Variants in FAM78B observed in about 807,000 individuals in gnomAD.
FAM78B encodes the protein family with sequence similarity 78 member B, also known as protein FAM78B.
Under a neutral mutation model 20.0 loss-of-function variants are expected in FAM78B, and 10 were observed. That is an observed-to-expected ratio of 0.50 (90% confidence interval 0.31 to 0.85). The LOEUF is 0.85. FAM78B is among the 40% of genes least tolerant of loss of function. The pLI is 0.05. For synonymous variants in FAM78B, 135 were observed against 132.8 expected (o/e 1.02, Z -0.12); for missense variants, 283 against 345.0 (o/e 0.82, Z 1.42).
chr1:166,166,225 G>A lies in FAM78B; in HGVS notation c.24C>T (p.Thr8=). 1 of 1,544,912 alleles carries A rather than the reference G, an allele frequency of 6.5e-7. No homozygotes were observed. Among genetic ancestry groups the A allele is most frequent in the Non-Finnish European group, 8.7e-7 (1 of 1,143,750 alleles). ...TCTCGCGCCGGATCCGCGCCTTGCA[G>A]GTGATGCTTTGGATACAGCCCATCC... The part of the protein sequence containing the change: MGCIQSI[T]CKARIRRENI... The change falls in exon 1 of 2, where the codon ACC becomes ACT. Residue 8 remains threonine, a synonymous_variant. Transcript: ENST00000354422.
At chr1:166,058,493 T>C (rs1408341362) in exon 3 of FAM78B, 1 of 138,556 alleles carries the variant, frequency 7.2e-6, no homozygotes, top group Non-Finnish European at 1.5e-5. Flanking sequence ...CAGGTTTCCC[T>C]AGGCTTTGTG....
downstream of FAM78B, among the ~76,000 whole-genome samples, chr1:166,056,834 A>C (rs780040131): frequency 2.6e-5 from 4 of 152,146 alleles, no homozygotes; most frequent in Non-Finnish European, 5.9e-5. Flanking sequence ...GCTATGTTCC[A>C]ATATTTGTAT....
chr1:166,156,043 G>A (rs551277312), intron 1 of FAM78B, among the ~76,000 whole-genome samples: 4 of 152,136 alleles, frequency 2.6e-5, no homozygotes, highest in South Asian at 2.1e-4. Context: ...CCGATTTACC[G>A]CTTCCCATTA....
At chr1:166,064,697 T>C (rs1301790030), downstream of FAM78B, among the ~76,000 whole-genome samples, 1 of 152,176 alleles carries the variant, frequency 6.6e-6, no homozygotes, top group Non-Finnish European at 1.5e-5. Context: ...GGCTTCCAAG[T>C]AGATGAGGCC....
chr1:166,076,688 G>C (rs745950619), intron 1 of FAM78B, among the ~76,000 whole-genome samples: 3 of 152,154 alleles, frequency 2.0e-5, no homozygotes, highest in Non-Finnish European at 2.9e-5. Context: ...CCAGTACCTA[G>C]AACAGTGCTG....
chr1:166,103,059 A>G (rs950770623), intron 1 of FAM78B, among the ~76,000 whole-genome samples: 1 of 152,182 alleles, frequency 6.6e-6, no homozygotes, highest in African/African-American at 2.4e-5. Flanking sequence ...CTCACTCAAA[A>G]CTGCTCAACT....
chr1:166,105,031 G>A (rs536248297), intron 1 of FAM78B, among the ~76,000 whole-genome samples: 4 of 152,026 alleles, frequency 2.6e-5, no homozygotes, highest in South Asian at 2.1e-4. Flanking sequence ...AACAGAACAG[G>A]GCCCTCAGAA....
chr1:166,082,007 T>C (rs1652602233), intron 1 of FAM78B, among the ~76,000 whole-genome samples: 1 of 152,120 alleles, frequency 6.6e-6, no homozygotes, highest in African/African-American at 2.4e-5. Context: ...CCAAGCCATT[T>C]CTCCTCTATC....
intron 1 of FAM78B, among the ~76,000 whole-genome samples, chr1:166,092,333 C>G (rs770271874): frequency 2.0e-5 from 3 of 152,174 alleles, no homozygotes; most frequent in African/African-American, 4.8e-5. Flanking sequence ...TTGTCCTGCC[C>G]TATGTGCAGC....
chr1:166,066,691 C>T (rs1651806099), downstream of FAM78B, among the ~76,000 whole-genome samples: 1 of 152,200 alleles, frequency 6.6e-6, no homozygotes, highest in South Asian at 2.1e-4. Context: ...TGTAAAAATA[C>T]TCTATAAATC....
At chr1:166,161,121 GA>G (rs980308094) in intron 1 of FAM78B, among the ~76,000 whole-genome samples, 3 of 152,100 alleles carry the variant, frequency 2.0e-5, no homozygotes, top group African/African-American at 7.2e-5. Flanking sequence ...CAAGGCTTAA[GA>G]ACAGAAAATC....
At chr1:166,133,477 A>G (rs1371441654) in intron 1 of FAM78B, among the ~76,000 whole-genome samples, 4 of 152,208 alleles carry the variant, frequency 2.6e-5, no homozygotes, top group Admixed American at 2.6e-4. Context: ...ACAAAACACA[A>G]GATGTCTTTG....
At chr1:166,138,335 T>C (rs1655149740) in intron 1 of FAM78B, among the ~76,000 whole-genome samples, 1 of 152,020 alleles carries the variant, frequency 6.6e-6, no homozygotes, top group Non-Finnish European at 1.5e-5. Flanking sequence ...GCCCACCCCC[T>C]GTGTTTCTCT....
exon 3 of FAM78B, chr1:166,058,688 T>C (rs1174408579): frequency 6.6e-6 from 1 of 152,376 alleles, no homozygotes; most frequent in Non-Finnish European, 1.5e-5. Context: ...TGTAATCACA[T>C]GTAAAGTGAA....
chr1:166,077,898 AT>A (rs1369805059), intron 1 of FAM78B, among the ~76,000 whole-genome samples: 94 of 5,188 alleles, frequency 0.018, 9 homozygotes, highest in Middle Eastern at 0.12. Context: ...AATATATATA[AT>A]TTATATATAT....
At chr1:166,057,757 G>C (rs1055136379) in exon 3 of FAM78B, 2 of 152,198 alleles carry the variant, frequency 1.3e-5, no homozygotes, top group Non-Finnish European at 2.9e-5. Flanking sequence ...ATGGTGTAGG[G>C]GAGCAGGGTA....
chr1:166,137,987 A>T (rs957702352), intron 1 of FAM78B, among the ~76,000 whole-genome samples: 1 of 152,180 alleles, frequency 6.6e-6, no homozygotes, highest in Non-Finnish European at 1.5e-5. Context: ...GAGGCAAAAA[A>T]TACTGGCAGG....
At chr1:166,135,540 T>C (rs919412642) in intron 1 of FAM78B, among the ~76,000 whole-genome samples, 2 of 152,230 alleles carry the variant, frequency 1.3e-5, no homozygotes, top group African/African-American at 4.8e-5. Flanking sequence ...AGTAACAAGA[T>C]TCCATTGCTC....
At chr1:166,085,982 AC>A (rs879444464) in intron 1 of FAM78B, among the ~76,000 whole-genome samples, 3 of 152,288 alleles carry the variant, frequency 2.0e-5, no homozygotes, top group East Asian at 3.9e-4. Flanking sequence ...TACTGCTACT[AC>A]AGGTAAGAGG....
Sources: allele counts gnomAD v4.1 joint callset (sites outside exome capture counted in the v4.1 genomes callset), GRCh38; gene constraint gnomAD v4.1.1; transcripts MANE v1.5; gene names NCBI Gene and HGNC (gene_info 2026-07-23, HGNC 2026-07-21).